Variants in LRRC37B observed in about 807,000 individuals in gnomAD.
LRRC37B encodes the protein leucine-rich repeat-containing protein 37B.
In LRRC37B, 28 loss-of-function variants were observed where a neutral mutation model predicts 98.3. The observed-to-expected ratio is 0.28, with a 90% CI of 0.21 to 0.39. The LOEUF is 0.39. Among genes scored for constraint, LRRC37B ranks in the 10% least tolerant of loss-of-function variants. The probability of loss-of-function intolerance (pLI) is 1.00; values close to 1 mark genes in which losing one functional copy is unlikely to be tolerated. For synonymous variants in LRRC37B, 364 were observed against 442.7 expected (o/e 0.82, Z 2.23); for missense variants, 938 against 1,182.7 (o/e 0.79, Z 3.03).
At chr17:32,043,189 A>T (rs1464461903) in intron 7 of LRRC37B, among the ~76,000 whole-genome samples, 1 of 152,274 alleles carries the variant, frequency 6.6e-6, no homozygotes, top group Non-Finnish European at 1.5e-5. Context: ...GGTGTTCATT[A>T]TACCATTTGA....
In LRRC37B at chr17:32,022,165, A is replaced by G. The variant is rs149337731; in HGVS notation, c.1100A>G (p.Lys367Arg). The change falls in exon 1 of 12, where the codon AAG becomes AGG. Residue 367 changes from lysine (K) to arginine (R), a missense_variant. Transcript: ENST00000327564. ...GATCAAGCTCATTATAATTTGCCCAAGTTTACAGTCAAACCTGCAGATGTG... is the reference window on the plus strand; with the variant it reads ...GATCAAGCTCATTATAATTTGCCCAGGTTTACAGTCAAACCTGCAGATGTG... The G allele has an allele frequency of 2.2e-5, 36 of 1,613,804 alleles. No homozygotes were observed. Among genetic ancestry groups the G allele is most frequent in the African/African-American group, 1.7e-4 (13 of 74,966 alleles).
intron 1 of LRRC37B, among the ~76,000 whole-genome samples, chr17:32,011,659 A>G (rs894981140): frequency 1.3e-5 from 2 of 150,922 alleles, no homozygotes; most frequent in African/African-American, 4.9e-5. Context: ...CACCACGCCC[A>G]GCTAATTTTG....
rs1057465114 is a variant in LRRC37B at position 32,015,602 on chromosome 17, A to AT, written c.-190-2362dup. ...AGTCTAGAAGTCTGAAAACACTGTA[A>AT]TTTTTTTTAAAGAATTAATACAATA... On this transcript the variant is annotated intron_variant, in intron 1 of 14. Coordinates refer to the LRRC37B transcript ENST00000543378. 3.9e-5 allele frequency among the ~76,000 whole-genome samples: 6 copies of AT among 152,226 alleles called. No homozygotes were observed. In the East Asian group the frequency reaches 1.2e-3, roughly 29 times the overall value.
intron 7 of LRRC37B, among the ~76,000 whole-genome samples, chr17:32,038,822 C>CA (rs1911323743): frequency 1.3e-5 from 2 of 152,164 alleles, no homozygotes; most frequent in Non-Finnish European, 2.9e-5. Flanking sequence ...TGCACCACTG[C>CA]ACTCCAGCCT....
chr17:32,035,741 C>A, intron 7 of LRRC37B, 102 bp downstream of exon 10: 1 of 1,240,452 alleles, frequency 8.1e-7, no homozygotes, highest in South Asian at 1.3e-5. Context: ...TTTCATATAA[C>A]ATTCACCCTT....
rs1193727776 is a variant in LRRC37B, at chr17:32,023,830, T to C, written c.1761-881T>C. ...TATTGTCCGCAGAACATTAAAATGA[T>C]AGGAGGGAAGAGAGAGAATACGCAT... is the stretch of plus-strand genomic sequence containing the variant. On this transcript the variant is annotated intron_variant, in intron 1 of 11. Coordinates refer to ENST00000327564, the Ensembl canonical transcript of LRRC37B. Among the ~76,000 whole-genome samples the C allele has an allele frequency of 5.9e-5, 9 of 152,268 alleles. No homozygotes were observed. The East Asian group carries it at 1.7e-3, about 29-fold the overall frequency.
Position 32,021,950 on chromosome 17 carries a change from T to C in LRRC37B, c.885T>C (p.Asn295=), listed in dbSNP as rs768564928. The stretch of plus-strand genomic sequence containing the variant: ...TCCATCTAGAGCCCAAAAGTCAAAA[T>C]CCAGAGACCCTTGAAGACATCCAGT... Residue 295 remains asparagine (N), a synonymous_variant, in exon 1 of 12, where the codon AAT becomes AAC. Transcript: ENST00000327564. 37 of 1,613,864 alleles carry C rather than the reference T, an allele frequency of 2.3e-5. No homozygotes were observed. The Admixed American group carries it at 6.2e-4, about 27-fold the overall frequency.
chr17:32,020,646 T>C (rs754610037), upstream of LRRC37B: 26 of 380,440 alleles, frequency 6.8e-5, no homozygotes, highest in Non-Finnish European at 9.8e-5. Flanking sequence ...TTGGAATAAA[T>C]GACTGTAACG....
chr17:32,043,865 C>T (rs114648098), intron 7 of LRRC37B, among the ~76,000 whole-genome samples: 2,703 of 83,150 alleles, frequency 0.033, 46 homozygotes, highest in South Asian at 0.043. Flanking sequence ...TTTTAGAGGA[C>T]TCAAAAGAGG....
At chr17:32,041,260 TC>T in intron 7 of LRRC37B, 1 of 766,380 alleles carries the variant, frequency 1.3e-6, no homozygotes, top group Non-Finnish European at 2.4e-6. Flanking sequence ...TGCACCACAG[TC>T]CCCAAGATTG....
intron 3 of LRRC37B, 99 bp from the exon 7 acceptor site, chr17:32,030,557 A>G (rs1911082920): frequency 2.7e-6 from 3 of 1,102,596 alleles, no homozygotes; most frequent in African/African-American, 1.6e-5. Context: ...AGTCGAGATG[A>G]AAAATGTGTA....
chr17:32,035,780 C>A, intron 7 of LRRC37B, 141 bp downstream of exon 10: 1 of 916,858 alleles, frequency 1.1e-6, no homozygotes, highest in South Asian at 1.8e-5. Context: ...TGAGTTTTGA[C>A]AAATGTATAG....
At chr17:32,021,982 C>T (rs962003348) in exon 1 of LRRC37B, 1 of 1,614,084 alleles carries the variant, frequency 6.2e-7, no homozygotes, top group Non-Finnish European at 8.5e-7. Flanking sequence ...CAGTCCTCTT[C>T]ACTCCAGGAA....
At chr17:32,021,779 A>G in exon 1 of LRRC37B, 2 of 1,614,204 alleles carry the variant, frequency 1.2e-6, no homozygotes, top group Non-Finnish European at 1.7e-6. Context: ...TTCCACACCA[A>G]TTATCCAAAC....
chr17:32,034,000 C>T (rs142294947), intron 5 of LRRC37B: 4 of 152,204 alleles, frequency 2.6e-5, no homozygotes, highest in African/African-American at 9.6e-5. Flanking sequence ...AGGAGACTGA[C>T]AAGTAGACAG....
At chr17:32,038,130 C>CAA (rs906983650) in intron 7 of LRRC37B, among the ~76,000 whole-genome samples, 4 of 141,234 alleles carry the variant, frequency 2.8e-5, no homozygotes, top group East Asian at 2.1e-4. Flanking sequence ...CCATCTCAAA[C>CAA]AAAAAAAAAA....
intron 11 of LRRC37B, chr17:32,051,919 TA>T (rs907238689): frequency 2.0e-5 from 3 of 152,162 alleles, no homozygotes; most frequent in Non-Finnish European, 4.4e-5. Context: ...TTTTTGTTCC[TA>T]AATACTTCAG....
chr17:32,022,856 G>A, intron 1 of LRRC37B, 31 bp downstream of exon 4: 2 of 1,599,218 alleles, frequency 1.3e-6, no homozygotes, highest in African/African-American at 1.3e-5. Flanking sequence ...ATCATCCTCT[G>A]TGTCTTGCCT....
intron 7 of LRRC37B, chr17:32,041,275 C>G: frequency 1.3e-6 from 1 of 762,816 alleles, no homozygotes; most frequent in East Asian, 2.4e-5. Flanking sequence ...AAGATTGCAG[C>G]TTCATCCCCT....
Sources: allele counts gnomAD v4.1 joint callset (sites outside exome capture counted in the v4.1 genomes callset), GRCh38; gene constraint gnomAD v4.1.1; transcripts MANE v1.5; gene names NCBI Gene and HGNC (gene_info 2026-07-23, HGNC 2026-07-21).